DLC1: variants seen among roughly 807,000 people sequenced by gnomAD.
The protein encoded by DLC1 is rho GTPase-activating protein 7.
A neutral mutation model predicts 140.3 loss-of-function variants in DLC1; 54 were observed. That is an observed-to-expected ratio of 0.38 (90% CI 0.31 to 0.48). The LOEUF (loss-of-function observed/expected upper bound fraction) is 0.48, where lower values mean the gene tolerates loss of function less well. Among genes scored for constraint, DLC1 ranks in the 20% least tolerant of loss-of-function variants. The probability of loss-of-function intolerance (pLI) is 0.96; values close to 1 mark genes in which losing one functional copy is unlikely to be tolerated. For missense variants in DLC1, 2,536 were observed against 1,907.0 expected (o/e 1.33, Z -6.14); for synonymous variants, 986 against 728.1 (o/e 1.35, Z -5.70).
chr8:13,444,514 G>T (rs1233200043), intron 2 of DLC1, among the ~76,000 whole-genome samples: 1 of 152,168 alleles, frequency 6.6e-6, no homozygotes, highest in East Asian at 1.9e-4. Flanking sequence ...GAAGTTTTCA[G>T]TGATCGAAGT....
chr8:13,229,670 G>C (rs574803874), intron 5 of DLC1, among the ~76,000 whole-genome samples: 2 of 152,116 alleles, frequency 1.3e-5, no homozygotes, highest in African/African-American at 2.4e-5. Context: ...AGAGAGAAGA[G>C]AGAGAGAGAG....
At chr8:13,604,187 T>C (rs146752394) in intron 1 of DLC1, among the ~76,000 whole-genome samples, 4 of 152,242 alleles carry the variant, frequency 2.6e-5, no homozygotes, top group African/African-American at 7.2e-5. Flanking sequence ...ATTTAACAAA[T>C]ATTTTCACTT....
At chr8:13,567,747 C>A in intron 1 of DLC1, 1 of 1,552,036 alleles carries the variant, frequency 6.4e-7, no homozygotes. Flanking sequence ...AAGACTTTCC[C>A]AGGCTTTCAG....
chr8:13,179,468 C>T (rs1387946258), intron 5 of DLC1, among the ~76,000 whole-genome samples: 1 of 152,052 alleles, frequency 6.6e-6, no homozygotes, highest in African/African-American at 2.4e-5. Flanking sequence ...CACCTGTAAT[C>T]CCAGCACTTT....
At chr8:13,211,596 T>G (rs146364533) in intron 5 of DLC1, among the ~76,000 whole-genome samples, 44 of 152,246 alleles carry the variant, frequency 2.9e-4, no homozygotes, top group African/African-American at 1.0e-3. Context: ...GAGGTAAATA[T>G]TGGTCTCTTT....
chr8:13,344,639 G>C (rs1054266089), intron 4 of DLC1, among the ~76,000 whole-genome samples: 1 of 152,200 alleles, frequency 6.6e-6, no homozygotes, highest in African/African-American at 2.4e-5. Context: ...AAGGCTGGTA[G>C]GAATGGTTAC....
intron 5 of DLC1, among the ~76,000 whole-genome samples, chr8:13,295,545 G>T (rs1022425734): frequency 1.3e-5 from 2 of 152,122 alleles, no homozygotes; most frequent in Non-Finnish European, 1.5e-5. Context: ...ACTCTTTAAG[G>T]TTTCCTACTT....
chr8:13,564,540 C>G (rs564066938), intron 1 of DLC1, among the ~76,000 whole-genome samples: 1 of 152,250 alleles, frequency 6.6e-6, no homozygotes, highest in Non-Finnish European at 1.5e-5. Flanking sequence ...ACACTGCACA[C>G]CACCAGGAAG....
At chr8:13,313,534 A>T (rs1176114408) in intron 4 of DLC1, among the ~76,000 whole-genome samples, 1 of 152,158 alleles carries the variant, frequency 6.6e-6, no homozygotes, top group Non-Finnish European at 1.5e-5. Context: ...GGGTCAAAGG[A>T]AATTGCTGCA....
intron 5 of DLC1, among the ~76,000 whole-genome samples, chr8:13,137,906 C>T (rs571057582): frequency 3.3e-5 from 5 of 152,146 alleles, no homozygotes; most frequent in Non-Finnish European, 7.4e-5. Context: ...CCAGACATCA[C>T]TTTCTTGGAG....
At chr8:13,582,244 G>T (rs914664626) in intron 1 of DLC1, among the ~76,000 whole-genome samples, 1 of 152,112 alleles carries the variant, frequency 6.6e-6, no homozygotes, top group Non-Finnish European at 1.5e-5. Context: ...AAAACAAAAT[G>T]AAACATTTTG....
At chr8:13,390,704 C>T (rs1163797275) in intron 4 of DLC1, among the ~76,000 whole-genome samples, 2 of 152,120 alleles carry the variant, frequency 1.3e-5, no homozygotes, top group East Asian at 3.9e-4. Context: ...TTAAGAAAAA[C>T]AGGCCAGGTG....
At chr8:13,109,418 A>T (rs191307181) in intron 7 of DLC1, among the ~76,000 whole-genome samples, 2 of 152,018 alleles carry the variant, frequency 1.3e-5, no homozygotes, top group African/African-American at 4.8e-5. Context: ...TTAGCTGGGT[A>T]TGGTGGTGTG....
intron 4 of DLC1, among the ~76,000 whole-genome samples, chr8:13,334,344 G>C (rs546127178): frequency 3.9e-5 from 6 of 152,208 alleles, no homozygotes; most frequent in South Asian, 2.1e-4. Flanking sequence ...AGGGACAAGA[G>C]GTCAGGGAGC....
intron 5 of DLC1, among the ~76,000 whole-genome samples, chr8:13,203,670 C>T (rs117549011): frequency 1.8e-3 from 274 of 152,236 alleles, no homozygotes; most frequent in East Asian, 0.012. Flanking sequence ...GTGGTGTACT[C>T]GGTTGTAAAC....
In DLC1 at chr8:13,169,438, T is replaced by C. The variant is rs987957651; in HGVS notation, c.1349-53781A>G. Among the ~76,000 whole-genome samples, 3 of 152,248 alleles carry C rather than the reference T, an allele frequency of 2.0e-5. No individual in the cohort carries two copies. In the South Asian group the frequency reaches 6.2e-4, roughly 31 times the overall value. ...TGTAAGGTTTTATCATTTGTAACTT[T>C]AGAGCTAATATGGATAAAATATCTC... On this transcript the variant is annotated intron_variant, in intron 5 of 17. Coordinates refer to ENST00000276297, the MANE Select transcript of DLC1 (RefSeq NM_182643.3).
intron 5 of DLC1, among the ~76,000 whole-genome samples, chr8:13,180,483 G>A (rs1825970233): frequency 6.6e-6 from 1 of 151,978 alleles, no homozygotes; most frequent in South Asian, 2.1e-4. Context: ...TATAAATAAA[G>A]GTTAATTATT....
chr8:13,423,861 C>A (rs1032885876), intron 2 of DLC1, among the ~76,000 whole-genome samples: 1 of 152,082 alleles, frequency 6.6e-6, no homozygotes, highest in Admixed American at 6.6e-5. Flanking sequence ...TTATTCTAAA[C>A]GTCCTTGTGG....
chr8:13,456,942 ATGG>A (rs1262002355), intron 2 of DLC1, among the ~76,000 whole-genome samples: 1 of 152,230 alleles, frequency 6.6e-6, no homozygotes. Context: ...ATGTGGTCAA[ATGG>A]TGCCCTCTTA....
Sources: gnomAD v4.1 joint callset for allele counts (sites outside exome capture counted in the v4.1 genomes callset) on GRCh38, gnomAD v4.1.1 for gene constraint, MANE v1.5 for transcripts, NCBI Gene and HGNC (gene_info 2026-07-23, HGNC 2026-07-21) for gene names.